Variants in MAEA observed in about 807,000 individuals in gnomAD.
MAEA encodes the protein E3 ubiquitin-protein transferase MAEA.
In MAEA, 22 loss-of-function variants were observed where a neutral mutation model predicts 46.2. The ratio of observed to expected loss-of-function variants is 0.48; its 90% CI spans 0.34 to 0.68. The LOEUF is 0.68. Ranked by LOEUF, MAEA falls within the 30% of genes least tolerant of loss-of-function variation. The pLI is 0.01. For synonymous variants in MAEA, 246 were observed against 222.6 expected (o/e 1.11, Z -0.94); for missense variants, 393 against 558.1 (o/e 0.70, Z 2.98).
intron 3 of MAEA, among the ~76,000 whole-genome samples, chr4:1,320,223 A>C (rs61296547): frequency 6.8e-6 from 1 of 146,886 alleles, no homozygotes; most frequent in Non-Finnish European, 1.5e-5. Context: ...AACACTATGA[A>C]GGGGCTTCAG....
intron 4 of MAEA, among the ~76,000 whole-genome samples, chr4:1,327,353 C>T (rs571006084): frequency 3.9e-4 from 59 of 152,372 alleles, no homozygotes; most frequent in African/African-American, 1.3e-3. Flanking sequence ...CCTGAGCGCC[C>T]TGGCCTTCGG....
At chr4:1,322,538 C>T (rs2335798) in intron 4 of MAEA, 35 bp downstream of exon 4, 52,234 of 1,609,030 alleles carry the variant, frequency 0.032, 1,302 homozygotes, top group Admixed American at 0.11. Context: ...GGGAGTGGGT[C>T]GGGGCCGAGG....
At position 1,338,445 on chromosome 4, in the gene MAEA, G is replaced by A; in HGVS notation, c.923G>A (p.Ser308Asn). The stretch of plus-strand genomic sequence containing the variant: ...AGACAGTGCTACAAGGAGGACGGCA[G>A]CTCCAAGAGCCCTGACTGCCCTGTG... ...KTPQCYKEDGSSKSPDCPVCS... is the reference protein window; with the variant it reads ...KTPQCYKEDGNSKSPDCPVCS... Residue 308 changes from serine to asparagine, a missense_variant, in exon 8 of 9, where the codon AGC becomes AAC. Ser to Asn is a conservative substitution (Grantham distance 46, BLOSUM62 1). This residue lies in a region of MAEA where 358 missense variants were observed against 537.9 expected (regional missense o/e 0.67). Coordinates refer to ENST00000303400, the MANE Select transcript of MAEA (RefSeq NM_001017405.3). 3.1e-6 allele frequency: 5 copies of A among 1,612,790 alleles called. No individual in the cohort carries two copies. The highest frequency in any genetic ancestry group is 1.1e-5 in the South Asian group (1 of 91,078).
At chr4:1,337,030 G>A (rs1712859706) in intron 7 of MAEA, 36 bp downstream of exon 7, 1 of 1,607,956 alleles carries the variant, frequency 6.2e-7, no homozygotes, top group African/African-American at 1.3e-5. Context: ...GGTTTGGCCT[G>A]GGGTTGGCAT....
chr4:1,297,046 G>T (rs532550007), intron 1 of MAEA, among the ~76,000 whole-genome samples: 1 of 152,080 alleles, frequency 6.6e-6, no homozygotes, highest in Non-Finnish European at 1.5e-5. Flanking sequence ...GTCACCTCCC[G>T]GAGCTCTCTT....
At chr4:1,304,480 G>A (rs946671704) in intron 1 of MAEA, among the ~76,000 whole-genome samples, 1 of 152,120 alleles carries the variant, frequency 6.6e-6, no homozygotes, top group Non-Finnish European at 1.5e-5. Flanking sequence ...TCGCACTGTC[G>A]CCCAGGCTGG....
chr4:1,303,393 C>G (rs1375917622), intron 1 of MAEA, among the ~76,000 whole-genome samples: 1 of 47,646 alleles, frequency 2.1e-5, no homozygotes, highest in East Asian at 8.2e-4. Context: ...CAGTGAGACT[C>G]TGTCTCAAAA....
rs1376927852 is a variant in MAEA, at chr4:1,339,937, G to A, written c.*768G>A. ...TGCCGGATGGTTCCATAACTGTAGAGTCTAATTGCTATCCATTACAGAAAT... is the reference window on the plus strand; with the variant it reads ...TGCCGGATGGTTCCATAACTGTAGAATCTAATTGCTATCCATTACAGAAAT... On this transcript the variant is annotated 3_prime_UTR_variant, in exon 9 of 9. Transcript: ENST00000303400. The A allele has an allele frequency of 2.6e-5, 4 of 152,696 alleles. No individual in the cohort carries two copies. Among genetic ancestry groups the A allele is most frequent in the African/African-American group, 9.6e-5 (4 of 41,474 alleles). 9.5% of individuals were successfully genotyped at this position (152,696 alleles called of 1,614,324 possible).
chr4:1,300,074 T>C (rs983547701), intron 1 of MAEA: 5 of 152,284 alleles, frequency 3.3e-5, no homozygotes, highest in African/African-American at 9.7e-5. Flanking sequence ...TAACGGGGCA[T>C]ACAGTAAGTG....
chr4:1,325,474 T>G (rs192787130), intron 4 of MAEA, among the ~76,000 whole-genome samples: 2 of 152,246 alleles, frequency 1.3e-5, no homozygotes, highest in African/African-American at 4.8e-5. Flanking sequence ...GTGGACCAAT[T>G]GAAAGTAACC....
At chr4:1,300,779 G>A (rs1488505302) in intron 1 of MAEA, among the ~76,000 whole-genome samples, 1 of 152,266 alleles carries the variant, frequency 6.6e-6, no homozygotes, top group Non-Finnish European at 1.5e-5. Context: ...TTGCCACTGC[G>A]AGCTTTGTAG....
chr4:1,319,960 A>C (rs1737817845), intron 3 of MAEA, among the ~76,000 whole-genome samples: 1 of 151,452 alleles, frequency 6.6e-6, no homozygotes, highest in Non-Finnish European at 1.5e-5. Flanking sequence ...CATTCAAGAA[A>C]ACGCTATGAA....
At chr4:1,299,048 A>G (rs1735060240) in intron 1 of MAEA, among the ~76,000 whole-genome samples, 3 of 151,760 alleles carry the variant, frequency 2.0e-5, no homozygotes. Context: ...TGTCTGGCTA[A>G]TTTTTTTATT....
intron 4 of MAEA, among the ~76,000 whole-genome samples, chr4:1,324,164 T>C (rs1335213675): frequency 6.8e-6 from 1 of 147,648 alleles, no homozygotes; most frequent in Non-Finnish European, 1.5e-5. Flanking sequence ...TGTCTGGTGT[T>C]GGATGAAGTT....
chr4:1,316,437 G>A (rs1158654096), intron 3 of MAEA, among the ~76,000 whole-genome samples: 2 of 152,170 alleles, frequency 1.3e-5, no homozygotes, highest in Admixed American at 1.3e-4. Flanking sequence ...TCGGGTTAAG[G>A]TGGCGTCCGT....
chr4:1,318,548 C>T (rs1349336125), intron 3 of MAEA, among the ~76,000 whole-genome samples: 1 of 151,754 alleles, frequency 6.6e-6, no homozygotes, highest in African/African-American at 2.4e-5. Flanking sequence ...AGAAGGCGGG[C>T]GTGTGGAGCC....
At chr4:1,315,314 T>C in intron 2 of MAEA, 83 bp from the exon 3 acceptor site, 1 of 1,308,844 alleles carries the variant, frequency 7.6e-7, no homozygotes, top group Non-Finnish European at 1.1e-6. Context: ...GTGAGTGTTG[T>C]GGATTGGGGC....
intron 1 of MAEA, chr4:1,299,918 T>C (rs184450726): frequency 1.8e-4 from 27 of 152,290 alleles, no homozygotes; most frequent in Middle Eastern, 3.4e-3. Flanking sequence ...CCACTGGGAT[T>C]ATAAGCTCTT....
At chr4:1,290,676 G>C (rs1373643524) in intron 1 of MAEA, among the ~76,000 whole-genome samples, 4 of 152,252 alleles carry the variant, frequency 2.6e-5, no homozygotes, top group East Asian at 1.9e-4. Flanking sequence ...CTTTCCTAGA[G>C]CTGCGGCTGA....
Sources: allele counts gnomAD v4.1 joint callset (sites outside exome capture counted in the v4.1 genomes callset), GRCh38; gene constraint gnomAD v4.1.1; regional missense constraint gnomAD v4.1.1; transcripts MANE v1.5; gene names NCBI Gene and HGNC (gene_info 2026-07-23, HGNC 2026-07-21).